The following DSCAM variants were observed in gnomAD, a reference collection of about 807,000 sequenced individuals.
DSCAM encodes cell adhesion molecule DSCAM.
Under a neutral mutation model 217.7 loss-of-function variants are expected in DSCAM, and 47 were observed. The ratio of observed to expected loss-of-function variants is 0.22; its 90% CI spans 0.17 to 0.28. The LOEUF is 0.28. Among genes scored for constraint, DSCAM ranks in the 10% least tolerant of loss-of-function variants. The probability of loss-of-function intolerance (pLI) is 1.00; values close to 1 mark genes in which losing one functional copy is unlikely to be tolerated. For synonymous variants in DSCAM, 1,056 were observed against 1,015.3 expected (o/e 1.04, Z -0.76); for missense variants, 2,080 against 2,618.3 (o/e 0.79, Z 4.49).
chr21:40,743,644 A>T (rs996423237), intron 1 of DSCAM, among the ~76,000 whole-genome samples: 3 of 152,160 alleles, frequency 2.0e-5, no homozygotes, highest in Admixed American at 2.0e-4. Context: ...AAAGAAGTAC[A>T]TTTAAAAAAA....
intron 3 of DSCAM, among the ~76,000 whole-genome samples, chr21:40,517,183 A>T (rs532056384): frequency 1.3e-5 from 2 of 148,624 alleles, no homozygotes; most frequent in African/African-American, 4.9e-5. Context: ...CACCTCATAT[A>T]CGCTCTCTCT....
intron 18 of DSCAM, among the ~76,000 whole-genome samples, chr21:40,139,643 G>A (rs2090263893): frequency 6.6e-6 from 1 of 151,870 alleles, no homozygotes; most frequent in Non-Finnish European, 1.5e-5. Context: ...CCTTTCATAG[G>A]TGTATGTGGT....
intron 20 of DSCAM, among the ~76,000 whole-genome samples, chr21:40,109,917 G>A (rs1484869502): frequency 2.0e-5 from 3 of 152,164 alleles, no homozygotes; most frequent in Non-Finnish European, 2.9e-5. Context: ...CAAAGTGGCC[G>A]GGAAGCTCAA....
chr21:40,767,920 G>A (rs1221918437), intron 1 of DSCAM, among the ~76,000 whole-genome samples: 1 of 152,020 alleles, frequency 6.6e-6, no homozygotes, highest in Non-Finnish European at 1.5e-5. Flanking sequence ...GTGCGTGTGT[G>A]CATGTTACAT....
At chr21:40,354,029 CA>C (rs2123650900) in intron 4 of DSCAM, among the ~76,000 whole-genome samples, 1 of 152,290 alleles carries the variant, frequency 6.6e-6, no homozygotes, top group South Asian at 2.1e-4. Context: ...GCTGTCAGCT[CA>C]GGCCAAAAAT....
intron 16 of DSCAM, among the ~76,000 whole-genome samples, chr21:40,164,948 G>A (rs1417958009): frequency 6.6e-6 from 1 of 152,124 alleles, no homozygotes. Context: ...GGCCACCAAA[G>A]TGCCCCTTAC....
At position 40,097,961 on chromosome 21, in the gene DSCAM, AGAAAGAAAGAAAGAAAG is replaced by A. The variant is rs2089701392; in HGVS notation, c.3697-4104_3697-4088del. 8.5e-4 allele frequency among the ~76,000 whole-genome samples: 53 copies of A among 62,478 alleles called. 10 individuals are homozygous for A. Among genetic ancestry groups the A allele is most frequent in the African/African-American group, 3.5e-3 (39 of 11,116 alleles). 41.0% of individuals were successfully genotyped at this position (62,478 alleles called of 152,430 possible). ...GTCTCAAAAAAAAAAAAAAAAAGAAAGAAAGAAAGAAAGAAAGAAAGAAAGAAAGAAAGAAAGAAAGA... is the reference window on the plus strand; with the variant it reads ...GTCTCAAAAAAAAAAAAAAAAAGAAAAAAGAAAGAAAGAAAGAAAGAAAGA... On this transcript the variant is annotated intron_variant, in intron 20 of 32. Coordinates refer to ENST00000400454, the MANE Select transcript of DSCAM (RefSeq NM_001389.5).
chr21:40,562,587 C>G (rs572589433), intron 3 of DSCAM, among the ~76,000 whole-genome samples: 1 of 152,336 alleles, frequency 6.6e-6, no homozygotes, highest in South Asian at 2.1e-4. Flanking sequence ...ATCATCATCT[C>G]TTCCTGAACT....
At chr21:40,488,926 A>G (rs2076052187) in intron 3 of DSCAM, among the ~76,000 whole-genome samples, 1 of 152,220 alleles carries the variant, frequency 6.6e-6, no homozygotes, top group African/African-American at 2.4e-5. Flanking sequence ...CCACGTGGAA[A>G]GAATATTATA....
chr21:40,817,214 C>T (rs1263971714), intron 1 of DSCAM, among the ~76,000 whole-genome samples: 7 of 152,082 alleles, frequency 4.6e-5, no homozygotes, highest in Admixed American at 3.3e-4. Flanking sequence ...CCCTTCCACA[C>T]CCACACTTTT....
chr21:40,534,430 A>T (rs576804961), intron 3 of DSCAM, among the ~76,000 whole-genome samples: 1 of 152,290 alleles, frequency 6.6e-6, no homozygotes, highest in East Asian at 1.9e-4. Flanking sequence ...GAAAAATAGG[A>T]AATTCGACTA....
chr21:40,078,556 C>T (rs1601306834), intron 26 of DSCAM, 131 bp downstream of exon 26: 1 of 1,228,260 alleles, frequency 8.1e-7, no homozygotes, highest in South Asian at 1.6e-5. Flanking sequence ...CCATTGAATC[C>T]CGAAAGCCTA....
At chr21:40,170,123 C>T (rs1473959516) in intron 15 of DSCAM, among the ~76,000 whole-genome samples, 3 of 152,216 alleles carry the variant, frequency 2.0e-5, no homozygotes, top group African/African-American at 7.2e-5. Flanking sequence ...GTGTCCCAGC[C>T]ATGTCCAAAA....
chr21:40,573,364 T>G (rs2076823773), intron 3 of DSCAM, among the ~76,000 whole-genome samples: 1 of 151,808 alleles, frequency 6.6e-6, no homozygotes, highest in Admixed American at 6.6e-5. Flanking sequence ...AAACTTGAAA[T>G]AAATGAAAAT....
chr21:40,520,863 A>T (rs1198294854), intron 3 of DSCAM, among the ~76,000 whole-genome samples: 1 of 152,172 alleles, frequency 6.6e-6, no homozygotes, highest in East Asian at 1.9e-4. Flanking sequence ...TGTGTATATA[A>T]GGAATTGCAA....
intron 1 of DSCAM, among the ~76,000 whole-genome samples, chr21:40,803,373 C>T (rs564091997): frequency 4.6e-5 from 7 of 152,314 alleles, no homozygotes; most frequent in Admixed American, 3.9e-4. Context: ...CCATTACCCA[C>T]CACAAGTCTG....
chr21:40,796,499 C>T (rs2091693221), intron 1 of DSCAM, among the ~76,000 whole-genome samples: 2 of 152,190 alleles, frequency 1.3e-5, no homozygotes, highest in Non-Finnish European at 2.9e-5. Context: ...GTAGAATTCA[C>T]ACCCAGAGCC....
At chr21:40,755,695 G>A (rs953524957) in intron 1 of DSCAM, among the ~76,000 whole-genome samples, 7 of 152,146 alleles carry the variant, frequency 4.6e-5, no homozygotes, top group African/African-American at 7.2e-5. Context: ...AGGTATAGGC[G>A]AGTTGTGTAG....
chr21:40,124,174 C>CTT lies in DSCAM; in HGVS notation c.3696+19_3696+20dup, dbSNP rs768582790. The CTT allele has an allele frequency of 3.0e-4, 489 of 1,613,794 alleles. 1 individual carries two copies. Among genetic ancestry groups the CTT allele is most frequent in the Admixed American group, 1.2e-3 (72 of 60,014 alleles). On this transcript the variant is annotated intron_variant, in intron 20 of 32. Transcript: ENST00000400454. ...GTCCCTGGCAGACGCTTGAAAGGCA[C>CTT]TTGGTTATTTACCAACTTACTGTGG...
Sources: allele counts gnomAD v4.1 joint callset (sites outside exome capture counted in the v4.1 genomes callset), GRCh38; gene constraint gnomAD v4.1.1; transcripts MANE v1.5; gene names NCBI Gene and HGNC (gene_info 2026-07-23, HGNC 2026-07-21).